Variants in KAT2B observed in about 807,000 individuals in gnomAD.
KAT2B encodes the protein histone acetyltransferase KAT2B.
Under a neutral mutation model 105.9 loss-of-function variants are expected in KAT2B, and 36 were observed. The ratio of observed to expected loss-of-function variants is 0.34; its 90% CI spans 0.26 to 0.45. The LOEUF (loss-of-function observed/expected upper bound fraction) is 0.45, where lower values mean the gene tolerates loss of function less well. KAT2B is among the 20% of genes least tolerant of loss of function. The pLI, the probability that KAT2B is intolerant of heterozygous loss-of-function variation, is 1.00. For synonymous variants in KAT2B, 397 were observed against 377.9 expected (o/e 1.05, Z -0.59); for missense variants, 820 against 1,021.6 (o/e 0.80, Z 2.69).
chr3:20,061,327 T>C (rs1698096500), intron 1 of KAT2B, among the ~76,000 whole-genome samples: 1 of 152,174 alleles, frequency 6.6e-6, no homozygotes, highest in Non-Finnish European at 1.5e-5. Flanking sequence ...TAAGGTTATA[T>C]AATAGCCCTT....
At chr3:20,096,337 A>G (rs976815814) in intron 3 of KAT2B, among the ~76,000 whole-genome samples, 2 of 152,070 alleles carry the variant, frequency 1.3e-5, no homozygotes, top group Non-Finnish European at 2.9e-5. Flanking sequence ...ATAGACATAC[A>G]TCTCCTCAAG....
At chr3:20,094,473 T>C (rs937026520) in intron 2 of KAT2B, among the ~76,000 whole-genome samples, 1 of 152,118 alleles carries the variant, frequency 6.6e-6, no homozygotes, top group Admixed American at 6.6e-5. Context: ...GTTTCCTCAA[T>C]TGTAAAATGC....
In KAT2B at chr3:20,040,471, G is replaced by A; in HGVS notation, c.-7G>A. On this transcript the variant is annotated 5_prime_UTR_variant, in exon 1 of 18. Coordinates refer to ENST00000263754, the MANE Select transcript of KAT2B (RefSeq NM_003884.5). ...ACTCGGCGCCTCCTGCCGTGCTCCGGGGCGGCATGTCCGAGGCTGGCGGGG... is the reference window on the plus strand; with the variant it reads ...ACTCGGCGCCTCCTGCCGTGCTCCGAGGCGGCATGTCCGAGGCTGGCGGGG... 1.2e-5 allele frequency: 13 copies of A among 1,069,088 alleles called. No homozygotes were observed. Among genetic ancestry groups the A allele is most frequent in the Non-Finnish European group, 1.5e-5 (13 of 886,040 alleles). The allele number at this position is 1,069,088 out of a possible 1,614,324, so 66.2% of individuals were successfully genotyped here. A position where few individuals can be genotyped will look rare whatever the true frequency, so the allele number is the denominator to read the frequency against.
chr3:20,100,134 A>G (rs1559313364), intron 4 of KAT2B, among the ~76,000 whole-genome samples, 180 bp downstream of exon 4: 2 of 152,142 alleles, frequency 1.3e-5, no homozygotes, highest in African/African-American at 2.4e-5. Flanking sequence ...TTAATACATG[A>G]TCTAGCTTTT....
chr3:20,121,745 T>C (rs1354612004), intron 8 of KAT2B, among the ~76,000 whole-genome samples: 2 of 106,236 alleles, frequency 1.9e-5, no homozygotes, highest in Admixed American at 1.0e-4. Flanking sequence ...TGTGTGTGTG[T>C]GTGTGTGTGT....
At chr3:20,129,919 CT>C (rs2125182568) in intron 11 of KAT2B, among the ~76,000 whole-genome samples, 1 of 152,256 alleles carries the variant, frequency 6.6e-6, no homozygotes, top group East Asian at 1.9e-4. Context: ...GCTATTGGTA[CT>C]TTAGCTTTCA....
chr3:20,085,901 A>T (rs1397939353), intron 2 of KAT2B, among the ~76,000 whole-genome samples: 1 of 152,230 alleles, frequency 6.6e-6, no homozygotes, highest in Non-Finnish European at 1.5e-5. Context: ...GTAATAATAC[A>T]GTGTTGACAT....
At chr3:20,061,952 T>C (rs1208849273) in intron 1 of KAT2B, among the ~76,000 whole-genome samples, 3 of 118,708 alleles carry the variant, frequency 2.5e-5, no homozygotes, top group Non-Finnish European at 1.6e-5. Context: ...ATATATATTA[T>C]ATATAAAACA....
chr3:20,042,258 CAAA>C (rs1217134803), intron 1 of KAT2B, among the ~76,000 whole-genome samples: 2 of 152,080 alleles, frequency 1.3e-5, no homozygotes, highest in East Asian at 3.8e-4. Context: ...AAGACAGAAA[CAAA>C]TAATAATGCT....
chr3:20,071,864 C>A (rs1283976913), intron 1 of KAT2B, among the ~76,000 whole-genome samples: 1 of 152,180 alleles, frequency 6.6e-6, no homozygotes, highest in Non-Finnish European at 1.5e-5. Flanking sequence ...CCTAAGATTG[C>A]TAACTTCTTC....
In KAT2B at chr3:20,111,682, GCTCGGTCTTCACTGTTATGAGGCGACAA is replaced by G; in HGVS notation, c.942_969del (p.Val315TrpfsTer18). ...CAGGTGTTTGGGAGAACATTGCTTC[GCTCGGTCTTCACTGTTATGAGGCGACAA>G]CTCCTGGAACAAGCAAGACAGGAAA... On this transcript the variant is annotated frameshift_variant, in exon 6 of 18. Coordinates refer to ENST00000263754, the MANE Select transcript of KAT2B (RefSeq NM_003884.5). LOFTEE classifies it high-confidence loss of function. 2 of 1,613,956 alleles carry G rather than the reference GCTCGGTCTTCACTGTTATGAGGCGACAA, an allele frequency of 1.2e-6. No homozygotes were observed. The highest frequency in any genetic ancestry group is 2.2e-5 in the South Asian group (2 of 91,070).
rs144429197 is a variant in KAT2B, at chr3:20,114,423, C to T, written c.1044-459C>T. On this transcript the variant is annotated intron_variant, in intron 6 of 17. Transcript: ENST00000263754. ...TCATGTAGTAAGAGCTATATATGTGCGTGACAAATAAAAATAGAATATATA... is the reference window on the plus strand; with the variant it reads ...TCATGTAGTAAGAGCTATATATGTGTGTGACAAATAAAAATAGAATATATA... Among the ~76,000 whole-genome samples, 72 of 152,146 alleles carry T rather than the reference C, an allele frequency of 4.7e-4. 1 individual carries two copies. The East Asian group carries it at 4.8e-3, about 10-fold the overall frequency.
In KAT2B at chr3:20,119,618, G is replaced by A. The variant is rs1375869109; in HGVS notation, c.1171G>A (p.Ala391Thr). ...IQTVINPPPV[A>T]GTISYNSTSS... is the part of the protein sequence containing the mutation. The stretch of plus-strand genomic sequence containing the variant: ...GGCAGTTATCAATCCACCTCCTGTG[G>A]CTGGGACAATTTCATACAATTCAAC... The change falls in exon 8 of 18, where the codon GCT becomes ACT. Residue 391 changes from alanine (A) to threonine (T), a missense_variant. Physicochemically the swap from Ala to Thr is moderately conservative, Grantham distance 58 (BLOSUM62 0). This residue lies in a region of KAT2B where 225 missense variants were observed against 268.1 expected (regional missense o/e 0.84). Transcript: ENST00000263754. 3 of 1,613,916 alleles carry A rather than the reference G, an allele frequency of 1.9e-6. No individual in the cohort carries two copies. The highest frequency in any genetic ancestry group is 1.3e-5 in the African/African-American group (1 of 74,912).
chr3:20,130,584 G>T (rs1037477733), intron 11 of KAT2B, among the ~76,000 whole-genome samples: 3 of 152,158 alleles, frequency 2.0e-5, no homozygotes, highest in African/African-American at 7.2e-5. Flanking sequence ...TGCTGATTAA[G>T]GTTGAGTTGG....
chr3:20,151,227 G>C (rs138419307), intron 17 of KAT2B, among the ~76,000 whole-genome samples: 207 of 152,320 alleles, frequency 1.4e-3, no homozygotes, highest in African/African-American at 4.8e-3. Context: ...TTATTCAAGA[G>C]ATAGGCAGAA....
chr3:20,129,952 C>A (rs528436960), intron 11 of KAT2B, among the ~76,000 whole-genome samples: 1 of 151,944 alleles, frequency 6.6e-6, no homozygotes, highest in Non-Finnish European at 1.5e-5. Flanking sequence ...ACTCTCTGGT[C>A]ACAGTACCCA....
At chr3:20,151,292 T>C (rs1263084988) in intron 17 of KAT2B, among the ~76,000 whole-genome samples, 1 of 152,226 alleles carries the variant, frequency 6.6e-6, no homozygotes, top group African/African-American at 2.4e-5. Context: ...AGGATATTGA[T>C]GCAAATGAAT....
intron 1 of KAT2B, among the ~76,000 whole-genome samples, chr3:20,057,802 A>T (rs1698026631): frequency 6.6e-6 from 1 of 152,100 alleles, no homozygotes; most frequent in Non-Finnish European, 1.5e-5. Context: ...TTTGGTAACA[A>T]CTGGAGCCAT....
intron 1 of KAT2B, among the ~76,000 whole-genome samples, chr3:20,053,860 A>G (rs1001407393): frequency 1.8e-4 from 28 of 151,900 alleles, no homozygotes; most frequent in Admixed American, 9.8e-4. Context: ...GTGCAGTGGC[A>G]TGATCTCAGC....
Sources: gnomAD v4.1 joint callset for allele counts (sites outside exome capture counted in the v4.1 genomes callset) on GRCh38, gnomAD v4.1.1 for gene constraint, gnomAD v4.1.1 regional missense constraint, MANE v1.5 for transcripts, NCBI Gene and HGNC (gene_info 2026-07-23, HGNC 2026-07-21) for gene names.